NRXN3: variants seen among roughly 807,000 people sequenced by gnomAD.
The protein encoded by NRXN3 is neurexin 3, also known as neurexin III.
In NRXN3, 32 loss-of-function variants were observed where a neutral mutation model predicts 137.6. That is an observed-to-expected ratio of 0.23 (90% CI 0.18 to 0.31). The LOEUF (loss-of-function observed/expected upper bound fraction) is 0.31, where lower values mean the gene tolerates loss of function less well. Ranked by LOEUF, NRXN3 falls within the 10% of genes least tolerant of loss-of-function variation. NRXN3 has a pLI of 1.00. For synonymous variants in NRXN3, 798 were observed against 784.5 expected, an observed-to-expected ratio of 1.02 and a Z score of -0.29; for missense variants, 1,574 against 2,062.5, an observed-to-expected ratio of 0.76 and a Z score of 4.59.
chr14:79,741,359 G>T (rs1046699096), intron 19 of NRXN3, among the ~76,000 whole-genome samples: 4 of 151,956 alleles, frequency 2.6e-5, no homozygotes, highest in African/African-American at 9.7e-5. Context: ...CAATATGAAA[G>T]GTGTTATTAA....
chr14:79,644,438 A>G (rs2098445225), intron 16 of NRXN3, among the ~76,000 whole-genome samples: 1 of 135,632 alleles, frequency 7.4e-6, no homozygotes, highest in African/African-American at 2.5e-5. Context: ...GTCTGGATCT[A>G]TTTTTGGCTG....
intron 1 of NRXN3, among the ~76,000 whole-genome samples, chr14:78,225,360 G>A (rs2064408808): frequency 6.6e-6 from 1 of 152,174 alleles, no homozygotes; most frequent in Admixed American, 6.5e-5. Flanking sequence ...GGGACGGTGA[G>A]CATTTTTTCA....
intron 4 of NRXN3, among the ~76,000 whole-genome samples, chr14:78,460,397 C>T (rs1268554622): frequency 2.6e-5 from 4 of 152,188 alleles, no homozygotes; most frequent in Admixed American, 1.3e-4. Flanking sequence ...TCTAATCATG[C>T]CTTAGTTTTT....
At chr14:79,159,158 T>C (rs1484425100) in intron 15 of NRXN3, among the ~76,000 whole-genome samples, 1 of 151,716 alleles carries the variant, frequency 6.6e-6, no homozygotes, top group African/African-American at 2.4e-5. Flanking sequence ...CCCCCAAAAC[T>C]GTTGCCATGA....
intron 15 of NRXN3, among the ~76,000 whole-genome samples, chr14:79,200,828 A>ATT (rs56194422): frequency 2.4e-4 from 14 of 59,080 alleles, no homozygotes; most frequent in Non-Finnish European, 2.5e-4. Context: ...TGTGAGCTGT[A>ATT]TTTTTTTTTT....
chr14:79,056,410 A>G (rs1595455576), intron 15 of NRXN3, among the ~76,000 whole-genome samples: 1 of 152,028 alleles, frequency 6.6e-6, no homozygotes, highest in Admixed American at 6.6e-5. Flanking sequence ...TTTTCATTCA[A>G]GTTACATTTT....
intron 4 of NRXN3, among the ~76,000 whole-genome samples, chr14:78,540,610 C>T (rs552340735): frequency 2.6e-5 from 4 of 152,186 alleles, no homozygotes; most frequent in African/African-American, 7.2e-5. Context: ...GCATTTAGCC[C>T]ATTTACATTT....
At chr14:79,282,907 G>A (rs978233407) in intron 15 of NRXN3, among the ~76,000 whole-genome samples, 4 of 152,128 alleles carry the variant, frequency 2.6e-5, no homozygotes, top group Admixed American at 6.5e-5. Context: ...GTGTTTTTGA[G>A]CATAAAATCA....
intron 4 of NRXN3, among the ~76,000 whole-genome samples, chr14:78,627,692 C>T (rs886358392): frequency 2.0e-5 from 3 of 152,148 alleles, no homozygotes; most frequent in African/African-American, 7.2e-5. Context: ...AATCAGAAAG[C>T]CTAGGTTCTG....
intron 15 of NRXN3, among the ~76,000 whole-genome samples, chr14:79,440,423 T>C (rs1310404599): frequency 6.6e-6 from 1 of 152,236 alleles, no homozygotes; most frequent in Non-Finnish European, 1.5e-5. Flanking sequence ...TGGAAAATAC[T>C]GGATGCTCCT....
rs796507726 is a variant in NRXN3 at position 78,225,980 on chromosome 14, T to G, written c.-703-16411T>G. The stretch of plus-strand genomic sequence containing the variant: ...GTGTGTGTGTGTGTGTGTTGGTGTG[T>G]GTGTGTGTGTGTGTGTGTGTGTGTG... On this transcript the variant is annotated intron_variant, in intron 1 of 20. Coordinates refer to ENST00000335750, the MANE Select transcript of NRXN3 (RefSeq NM_001330195.2). Among the ~76,000 whole-genome samples the G allele has an allele frequency of 2.5e-3, 328 of 133,870 alleles. 3 individuals are homozygous for G. Among genetic ancestry groups the G allele is most frequent in the African/African-American group, 8.1e-3 (268 of 32,906 alleles). 87.8% of individuals were successfully genotyped at this position (133,870 alleles called of 152,430 possible).
At chr14:78,682,263 TC>T (rs2098084115) in intron 6 of NRXN3, among the ~76,000 whole-genome samples, 1 of 152,080 alleles carries the variant, frequency 6.6e-6, no homozygotes, top group Non-Finnish European at 1.5e-5. Flanking sequence ...TGGATTCTGT[TC>T]CTATTGTCTG....
At chr14:78,257,762 C>A (rs569868874) in intron 2 of NRXN3, among the ~76,000 whole-genome samples, 11 of 152,254 alleles carry the variant, frequency 7.2e-5, no homozygotes, top group Admixed American at 2.0e-4. Flanking sequence ...TTTTCCACAA[C>A]CGGGAACCAT....
At chr14:79,208,305 C>T (rs764471549) in intron 15 of NRXN3, among the ~76,000 whole-genome samples, 15 of 152,214 alleles carry the variant, frequency 9.9e-5, no homozygotes, top group Middle Eastern at 3.4e-3. Context: ...ATGAGCATAT[C>T]GAGGTAGGAT....
intron 6 of NRXN3, among the ~76,000 whole-genome samples, chr14:78,700,378 T>A (rs915976386): frequency 2.6e-5 from 4 of 152,184 alleles, no homozygotes; most frequent in Admixed American, 6.5e-5. Context: ...TGAGGCTTCA[T>A]CTGGGTTGAG....
intron 2 of NRXN3, among the ~76,000 whole-genome samples, chr14:78,263,876 TGTGTGTGTG>T (rs2071222452): frequency 3.6e-4 from 2 of 5,482 alleles, no homozygotes; most frequent in African/African-American, 1.7e-3. Flanking sequence ...TTCTATTTTG[TGTGTGTGTG>T]TGTGTGTGTG....
At chr14:79,061,138 C>T (rs1464640012) in intron 15 of NRXN3, among the ~76,000 whole-genome samples, 1 of 152,106 alleles carries the variant, frequency 6.6e-6, no homozygotes, top group African/African-American at 2.4e-5. Context: ...TTAATTAATT[C>T]AATAAGAATT....
rs564102412 is a variant in NRXN3 at position 79,011,478 on chromosome 14, A to G, written c.3262+23337A>G. On this transcript the variant is annotated intron_variant, in intron 15 of 20. Coordinates refer to ENST00000335750, the MANE Select transcript of NRXN3 (RefSeq NM_001330195.2). ...CAAGACTGATTAAGAGGACTATGTC[A>G]GTTGAGTTTGTTCAGTTTGGGTTTT... Among the ~76,000 whole-genome samples, 14 of 151,404 alleles carry G rather than the reference A, an allele frequency of 9.2e-5. No individual in the cohort carries two copies. The South Asian group carries it at 2.5e-3, about 27-fold the overall frequency.
chr14:79,060,253 C>T (rs1336641389), intron 15 of NRXN3, among the ~76,000 whole-genome samples: 1 of 152,152 alleles, frequency 6.6e-6, no homozygotes, highest in Admixed American at 6.5e-5. Context: ...AAGATAAGAG[C>T]GAGAGATTCA....
Sources: gnomAD v4.1 joint callset for allele counts (sites outside exome capture counted in the v4.1 genomes callset) on GRCh38, gnomAD v4.1.1 for gene constraint, MANE v1.5 for transcripts, NCBI Gene and HGNC (gene_info 2026-07-23, HGNC 2026-07-21) for gene names.